Variants in OSBPL10 observed in about 807,000 individuals in gnomAD.
OSBPL10 encodes the protein oxysterol-binding protein-related protein 10.
Under a neutral mutation model 81.7 loss-of-function variants are expected in OSBPL10, and 49 were observed. The observed-to-expected ratio is 0.60, with a 90% CI of 0.48 to 0.76. OSBPL10 has a LOEUF of 0.76. Ranked by LOEUF, OSBPL10 falls within the 30% of genes least tolerant of loss-of-function variation. OSBPL10 has a pLI of 0.00. For missense variants in OSBPL10, 923 were observed against 987.8 expected (o/e 0.93, Z 0.88); for synonymous variants, 419 against 383.6 (o/e 1.09, Z -1.08).
intron 8 of OSBPL10, among the ~76,000 whole-genome samples, chr3:31,682,195 T>C (rs757836763): frequency 1.3e-4 from 19 of 151,976 alleles, no homozygotes; most frequent in Admixed American, 4.6e-4. Flanking sequence ...TCCTCCCTAG[T>C]CTCCTTGTTT....
At chr3:31,693,661 G>A (rs1330510342) in intron 7 of OSBPL10, among the ~76,000 whole-genome samples, 1 of 152,178 alleles carries the variant, frequency 6.6e-6, no homozygotes, top group Non-Finnish European at 1.5e-5. Flanking sequence ...ATTCATTTCT[G>A]CATTTTCTAC....
chr3:31,801,701 C>A (rs1317554567), intron 4 of OSBPL10, among the ~76,000 whole-genome samples: 1 of 152,210 alleles, frequency 6.6e-6, no homozygotes, highest in Non-Finnish European at 1.5e-5. Flanking sequence ...AAGAAAGAAG[C>A]CACGAATGCC....
intron 1 of OSBPL10, among the ~76,000 whole-genome samples, chr3:31,960,657 C>A (rs1043832721): frequency 2.0e-5 from 3 of 152,176 alleles, no homozygotes; most frequent in Non-Finnish European, 4.4e-5. Context: ...TCCTCTACGT[C>A]TCTCTCTTCA....
At chr3:32,029,689 A>T (rs545130905) in intron 2 of OSBPL10, among the ~76,000 whole-genome samples, 1 of 152,196 alleles carries the variant, frequency 6.6e-6, no homozygotes, top group South Asian at 2.1e-4. Context: ...AAGGAATCTA[A>T]TACTCATGAA....
At chr3:32,056,219 C>G (rs1289431559) in intron 1 of OSBPL10, among the ~76,000 whole-genome samples, 1 of 152,040 alleles carries the variant, frequency 6.6e-6, no homozygotes, top group Admixed American at 6.5e-5. Context: ...TTTTTTTCTG[C>G]AATTTAGACT....
At chr3:31,678,782 CTGTGTGTGTGTGTG>C (rs67616509) in intron 8 of OSBPL10, among the ~76,000 whole-genome samples, 7,313 of 135,600 alleles carry the variant, frequency 0.054, 249 homozygotes, top group South Asian at 0.11. Context: ...CAGATTCAAA[CTGTGTGTGTGTGTG>C]TGTGTGTGTG....
intron 4 of OSBPL10, among the ~76,000 whole-genome samples, chr3:31,783,097 TATCAA>T (rs1698739534): frequency 1.4e-5 from 2 of 142,852 alleles, no homozygotes; most frequent in South Asian, 4.3e-4. Flanking sequence ...GATATATCTA[TATCAA>T]TATATCTATT....
At chr3:31,776,095 A>C (rs1698541757) in intron 4 of OSBPL10, among the ~76,000 whole-genome samples, 1 of 152,120 alleles carries the variant, frequency 6.6e-6, no homozygotes, top group Non-Finnish European at 1.5e-5. Context: ...ATTAAAGAGC[A>C]TAATGAGATT....
At chr3:31,753,016 T>C (rs1316918077) in intron 4 of OSBPL10, among the ~76,000 whole-genome samples, 1 of 152,090 alleles carries the variant, frequency 6.6e-6, no homozygotes, top group Non-Finnish European at 1.5e-5. Flanking sequence ...ACCATACAAT[T>C]TGATGCCACA....
chr3:31,986,703 C>T (rs1276061471), intron 2 of OSBPL10, among the ~76,000 whole-genome samples: 1 of 152,018 alleles, frequency 6.6e-6, no homozygotes, highest in Non-Finnish European at 1.5e-5. Context: ...AAGATTTGCA[C>T]ACAAAATTAT....
chr3:31,890,105 G>A (rs965276758), intron 1 of OSBPL10, among the ~76,000 whole-genome samples: 2 of 151,170 alleles, frequency 1.3e-5, no homozygotes, highest in Non-Finnish European at 2.9e-5. Context: ...TTTTCCAAGT[G>A]ATTCAGAAGC....
At chr3:31,803,417 G>A (rs1355127971) in intron 4 of OSBPL10, among the ~76,000 whole-genome samples, 1 of 152,118 alleles carries the variant, frequency 6.6e-6, no homozygotes, top group Non-Finnish European at 1.5e-5. Flanking sequence ...GCAGAACCAG[G>A]GACGTTTATA....
chr3:31,809,729 A>G (rs1288413876), intron 4 of OSBPL10, among the ~76,000 whole-genome samples: 3 of 152,222 alleles, frequency 2.0e-5, no homozygotes, highest in African/African-American at 7.2e-5. Context: ...CAAACCAGAG[A>G]AAACCATAGA....
At chr3:31,902,814 T>G (rs1445034256) in intron 1 of OSBPL10, among the ~76,000 whole-genome samples, 1 of 152,210 alleles carries the variant, frequency 6.6e-6, no homozygotes, top group East Asian at 1.9e-4. Context: ...TCCACCCGCC[T>G]TGGCCTCCCA....
intron 1 of OSBPL10, among the ~76,000 whole-genome samples, chr3:31,942,875 T>G (rs1471594463): frequency 6.6e-6 from 1 of 152,218 alleles, no homozygotes; most frequent in Non-Finnish European, 1.5e-5. Flanking sequence ...TGCCATTTAG[T>G]CATGTTTAGG....
intron 11 of OSBPL10, 134 bp from the exon 12 acceptor site, chr3:31,662,250 A>G: frequency 6.7e-7 from 1 of 1,491,046 alleles, no homozygotes; most frequent in Non-Finnish European, 8.9e-7. Context: ...TGCTGGCCTC[A>G]GTACCCCTCC....
chr3:31,935,575 G>C (rs982291692), intron 1 of OSBPL10, among the ~76,000 whole-genome samples: 4 of 150,802 alleles, frequency 2.7e-5, no homozygotes, highest in Non-Finnish European at 4.4e-5. Context: ...CCAGGCTGGA[G>C]TGCAGTGGTA....
intron 4 of OSBPL10, among the ~76,000 whole-genome samples, chr3:31,813,810 T>C (rs1699769532): frequency 6.6e-6 from 1 of 152,152 alleles, no homozygotes; most frequent in Non-Finnish European, 1.5e-5. Flanking sequence ...TCCTCATCTG[T>C]ACAGTGGGGA....
chr3:31,787,293 A>G (rs1034484515), intron 4 of OSBPL10, among the ~76,000 whole-genome samples: 2 of 152,190 alleles, frequency 1.3e-5, no homozygotes, highest in Non-Finnish European at 2.9e-5. Context: ...TTAGTCATAT[A>G]TAATGGATTC....
Sources: gnomAD v4.1 joint callset for allele counts (sites outside exome capture counted in the v4.1 genomes callset) on GRCh38, gnomAD v4.1.1 for gene constraint, MANE v1.5 for transcripts, NCBI Gene and HGNC (gene_info 2026-07-23, HGNC 2026-07-21) for gene names.